Variants in TP53BP1 observed in about 807,000 individuals in gnomAD.
The protein encoded by TP53BP1 is TP53-binding protein 1.
Under a neutral mutation model 200.8 loss-of-function variants are expected in TP53BP1, and 61 were observed. That is an observed-to-expected ratio of 0.30 (90% CI 0.25 to 0.38). The LOEUF (loss-of-function observed/expected upper bound fraction) is 0.38, where lower values mean the gene tolerates loss of function less well. TP53BP1 is among the 10% of genes least tolerant of loss of function. The pLI, the probability that TP53BP1 is intolerant of heterozygous loss-of-function variation, is 1.00. For synonymous variants in TP53BP1, 822 were observed against 844.3 expected, an observed-to-expected ratio of 0.97 and a Z score of 0.46; for missense variants, 2,144 against 2,371.9, an observed-to-expected ratio of 0.90 and a Z score of 2.00.
At chr15:43,408,753 C>G in intron 26 of TP53BP1, 144 bp downstream of exon 26, 1 of 762,952 alleles carries the variant, frequency 1.3e-6, no homozygotes, top group Non-Finnish European at 2.1e-6. Flanking sequence ...TAGATAAACT[C>G]CTGAAGTCAT....
rs1442701572 is a variant in TP53BP1 at position 43,403,904 on chromosome 15, A to G, written c.*3479T>C. ...TGAGTCAGTAAAGCATTTCCTCAAT[A>G]CACACACGTACAGAGATAAGATACA... On this transcript the variant is annotated 3_prime_UTR_variant, in exon 28 of 28. Transcript: ENST00000382044. 5 of 769,602 alleles carry G rather than the reference A, an allele frequency of 6.5e-6. No individual in the cohort carries two copies. The highest frequency in any genetic ancestry group is 1.1e-5 in the Non-Finnish European group (5 of 440,178). 47.7% of individuals were successfully genotyped at this position (769,602 alleles called of 1,614,324 possible). A position where few individuals can be genotyped will look rare whatever the true frequency, so the allele number is the denominator to read the frequency against.
chr15:43,475,834 A>G, intron 8 of TP53BP1, 140 bp from the exon 9 acceptor site: 1 of 1,037,160 alleles, frequency 9.6e-7, no homozygotes. Flanking sequence ...TTTTCTAATT[A>G]TAGTACAACG....
At chr15:43,457,252 T>C in intron 11 of TP53BP1, 34 bp from the exon 12 acceptor site, 1 of 1,530,268 alleles carries the variant, frequency 6.5e-7, no homozygotes, top group Middle Eastern at 2.1e-4. Flanking sequence ...AATTGTAATT[T>C]GTACATGATC....
In TP53BP1 at chr15:43,404,044, G is replaced by A. The variant is rs899248099; in HGVS notation, c.*3339C>T. 5.1e-5 allele frequency: 28 copies of A among 544,230 alleles called. No homozygotes were observed. The highest frequency in any genetic ancestry group is 9.2e-5 in the Non-Finnish European group (28 of 305,970). 33.7% of individuals were successfully genotyped at this position (544,230 alleles called of 1,614,324 possible). On this transcript the variant is annotated 3_prime_UTR_variant, in exon 28 of 28. Transcript: ENST00000382044. ...TATTCAGCCCATCAAATAAGCATTG[G>A]GTTGTTCTAACTTCCTCACATCCTC...
upstream of TP53BP1, chr15:43,493,160 C>T (rs1595632014): frequency 1.3e-6 from 2 of 1,549,512 alleles, no homozygotes; most frequent in Non-Finnish European, 1.7e-6. Flanking sequence ...CGAACTCCCC[C>T]TTTCCCGTCA....
Position 43,428,177 on chromosome 15 carries a change from G to GAAAATACAGA in TP53BP1, c.3676-19_3676-10dup, listed in dbSNP as rs753656155. 6.2e-7 allele frequency: 1 copy of GAAAATACAGA among 1,612,286 alleles called. No individual in the cohort carries two copies. Among genetic ancestry groups the GAAAATACAGA allele is most frequent in the Non-Finnish European group, 8.5e-7 (1 of 1,179,018 alleles). On this transcript the variant is annotated splice_polypyrimidine_tract_variant and intron_variant, in intron 17 of 27. Transcript: ENST00000382044. ...TCAAACTCTTCTTCTCCCTGTGACA[G>GAAAATACAGA]AAAATACAGAACATAAGCACAGGTC...
At chr15:43,415,273 T>C (rs1330868364) in intron 23 of TP53BP1, 1 of 346,828 alleles carries the variant, frequency 2.9e-6, no homozygotes, top group South Asian at 2.4e-5. Flanking sequence ...AATGGTGCAA[T>C]TTCGGCTCAC....
intron 4 of TP53BP1, among the ~76,000 whole-genome samples, chr15:43,490,767 TA>T (rs1275929021): frequency 6.6e-6 from 1 of 152,202 alleles, no homozygotes; most frequent in African/African-American, 2.4e-5. Context: ...CAATGTACTC[TA>T]AAGCAAGTTA....
intron 1 of TP53BP1, among the ~76,000 whole-genome samples, chr15:43,504,221 G>A (rs2079224741): frequency 1.3e-5 from 2 of 152,180 alleles, no homozygotes; most frequent in Admixed American, 6.5e-5. Context: ...ACAGCTCACT[G>A]CAACCTCAAG....
At chr15:43,475,720 C>T (rs758628402) in intron 8 of TP53BP1, 26 bp from the exon 9 acceptor site, 2 of 1,612,666 alleles carry the variant, frequency 1.2e-6, no homozygotes, top group East Asian at 2.2e-5. Context: ...TCCAGTTGCA[C>T]TTCTCAGATT....
At position 43,408,097 on chromosome 15, in the gene TP53BP1, G is replaced by T. The variant is rs193220357; in HGVS notation, c.5601-9C>A. The T allele has an allele frequency of 1.9e-3, 3,122 of 1,613,398 alleles. 33 individuals are homozygous for T. The highest frequency in any genetic ancestry group is 4.2e-3 in the South Asian group (383 of 90,934). ...GATTTTCACGGGGTTGCCTATGAAGGAGACAGGAAAGGACCTTAGCATGAC... is the reference window on the plus strand; with the variant it reads ...GATTTTCACGGGGTTGCCTATGAAGTAGACAGGAAAGGACCTTAGCATGAC... On this transcript the variant is annotated splice_polypyrimidine_tract_variant and intron_variant, in intron 26 of 27. Coordinates refer to ENST00000382044, the MANE Select transcript of TP53BP1 (RefSeq NM_001141980.3).
chr15:43,492,511 G>T, intron 1 of TP53BP1, 43 bp from the exon 2 acceptor site: 2 of 1,554,238 alleles, frequency 1.3e-6, no homozygotes, highest in Non-Finnish European at 1.8e-6. Flanking sequence ...TAACCTACTA[G>T]CCTTGCTCAC....
chr15:43,421,549 A>G, intron 19 of TP53BP1: 2 of 497,500 alleles, frequency 4.0e-6, no homozygotes, highest in East Asian at 3.6e-5. Context: ...TGTACTCCCA[A>G]CTAAATCATA....
In TP53BP1 at chr15:43,442,428, C is replaced by G. The variant is rs566023564; in HGVS notation, c.3041-845G>C. 5.3e-5 allele frequency among the ~76,000 whole-genome samples: 8 copies of G among 152,080 alleles called. No individual in the cohort carries two copies. The South Asian group carries it at 1.7e-3, about 32-fold the overall frequency. ...TAATGGTACAAGTTTTTCTCACTTCCACCAATCAATTTTCTTTCAAACTTC... is the reference window on the plus strand; with the variant it reads ...TAATGGTACAAGTTTTTCTCACTTCGACCAATCAATTTTCTTTCAAACTTC... On this transcript the variant is annotated intron_variant, in intron 14 of 27. Transcript: ENST00000382044.
At chr15:43,412,696 G>A (rs1277429763) in intron 24 of TP53BP1, 2 of 471,456 alleles carry the variant, frequency 4.2e-6, no homozygotes, top group Non-Finnish European at 8.8e-6. Flanking sequence ...TGCTCTAGCA[G>A]ATGCCCATAG....
chr15:43,465,935 A>C (rs773548499), intron 11 of TP53BP1, among the ~76,000 whole-genome samples: 1 of 152,198 alleles, frequency 6.6e-6, no homozygotes, highest in African/African-American at 2.4e-5. Context: ...GATTACAGGC[A>C]TGAGCCACCA....
upstream of TP53BP1, among the ~76,000 whole-genome samples, chr15:43,498,011 T>C (rs2079190880): frequency 6.6e-6 from 1 of 152,192 alleles, no homozygotes; most frequent in Non-Finnish European, 1.5e-5. Flanking sequence ...GTATGGTTAA[T>C]TGTATAGGTA....
At chr15:43,458,434 T>C (rs1484233287) in intron 11 of TP53BP1, among the ~76,000 whole-genome samples, 1 of 148,012 alleles carries the variant, frequency 6.8e-6, no homozygotes, top group Non-Finnish European at 1.5e-5. Context: ...TGAGACTATA[T>C]CTCAAAAAAA....
chr15:43,502,457 G>GT (rs1032945259), intron 1 of TP53BP1, among the ~76,000 whole-genome samples: 3 of 151,226 alleles, frequency 2.0e-5, no homozygotes, highest in South Asian at 2.1e-4. Context: ...TCTCATGTTT[G>GT]TTTTTTTTCT....
Sources: gnomAD v4.1 joint callset for allele counts (sites outside exome capture counted in the v4.1 genomes callset) on GRCh38, gnomAD v4.1.1 for gene constraint, MANE v1.5 for transcripts, NCBI Gene and HGNC (gene_info 2026-07-23, HGNC 2026-07-21) for gene names.